RYR2: variants seen among roughly 807,000 people sequenced by gnomAD.
The protein encoded by RYR2 is cardiac muscle ryanodine receptor-calcium release channel.
In RYR2, 227 loss-of-function variants were observed where a neutral mutation model predicts 601.1. The ratio of observed to expected loss-of-function variants is 0.38; its 90% confidence interval spans 0.34 to 0.42. The LOEUF is 0.42. Ranked by LOEUF, RYR2 falls within the 10% of genes least tolerant of loss-of-function variation. The pLI is 1.00. For missense variants in RYR2, 4,646 were observed against 6,156.5 expected, an observed-to-expected ratio of 0.75 and a Z score of 8.21; for synonymous variants, 2,223 against 2,175.1, an observed-to-expected ratio of 1.02 and a Z score of -0.61.
intron 1 of RYR2, among the ~76,000 whole-genome samples, chr1:237,069,506 C>T (rs892390255): frequency 1.3e-5 from 2 of 151,916 alleles, no homozygotes; most frequent in African/African-American, 2.4e-5. Flanking sequence ...ATCCAGATGA[C>T]TGAAAGTAGT....
In RYR2 at chr1:237,625,705, T is replaced by G; in HGVS notation, c.6067T>G (p.Leu2023Val). The G allele has an allele frequency of 6.2e-7, 1 of 1,613,786 alleles. No homozygotes were observed. The change falls in exon 40 of 105, where the codon TTA becomes GTA. Residue 2023 changes from leucine to valine, a missense_variant. Leu to Val is a conservative substitution (Grantham distance 32). This residue lies in a region of RYR2 where 170 missense variants were observed against 184.5 expected (regional missense o/e 0.92). Coordinates refer to ENST00000366574, the MANE Select transcript of RYR2 (RefSeq NM_001035.3). Reference protein sequence around the residue: ...EDGSLDGNSDLTIRGRLLSLV... With the variant: ...EDGSLDGNSDVTIRGRLLSLV... ...TGGGTCTCTGGATGGAAACAGTGAT[T>G]TAACAATTAGAGGGCGTCTGCTATC...
intron 1 of RYR2, among the ~76,000 whole-genome samples, chr1:237,148,549 T>TAC (rs1674319630): frequency 7.7e-6 from 1 of 130,284 alleles, no homozygotes; most frequent in African/African-American, 3.3e-5. Context: ...TATATATATA[T>TAC]ATATACACAC....
intron 8 of RYR2, among the ~76,000 whole-genome samples, chr1:237,384,896 T>A (rs1293055284): frequency 1.4e-5 from 2 of 146,160 alleles, no homozygotes; most frequent in Non-Finnish European, 3.0e-5. Context: ...TTTATTATTT[T>A]ATTTTTTTTT....
intron 94 of RYR2, 43 bp downstream of exon 94, chr1:237,792,366 T>TGTGCGCGCGC: frequency 3.7e-6 from 3 of 805,252 alleles, no homozygotes; most frequent in East Asian, 3.0e-5. Context: ...TGTGTGTGTG[T>TGTGCGCGCGC]GTGTGTGTGT....
At chr1:237,584,096 G>C (rs920623474) in intron 29 of RYR2, among the ~76,000 whole-genome samples, 9 of 152,124 alleles carry the variant, frequency 5.9e-5, no homozygotes, top group African/African-American at 2.2e-4. Flanking sequence ...TTATTTGCAG[G>C]GTGTCAATTA....
intron 1 of RYR2, among the ~76,000 whole-genome samples, chr1:237,254,234 C>A (rs1021390059): frequency 2.6e-5 from 4 of 151,932 alleles, no homozygotes; most frequent in Non-Finnish European, 5.9e-5. Flanking sequence ...TGAGAATTTG[C>A]CCTGTGTTTG....
intron 84 of RYR2, among the ~76,000 whole-genome samples, chr1:237,763,734 TAGG>T (rs1044627251): frequency 1.3e-5 from 2 of 152,212 alleles, no homozygotes; most frequent in Non-Finnish European, 2.9e-5. Flanking sequence ...AGAGACCTAT[TAGG>T]AGCATATGTA....
At chr1:237,828,503 A>C in intron 102 of RYR2, 58 bp downstream of exon 102, 1 of 1,126,828 alleles carries the variant, frequency 8.9e-7, no homozygotes, top group Non-Finnish European at 1.3e-6. Flanking sequence ...CGTTTTCCTC[A>C]CTACCTTTAT....
intron 98 of RYR2, among the ~76,000 whole-genome samples, chr1:237,802,821 C>G (rs1660128497): frequency 6.6e-6 from 1 of 152,200 alleles, no homozygotes; most frequent in Non-Finnish European, 1.5e-5. Context: ...CCAGATGCAG[C>G]TTCTGCCCAG....
chr1:237,387,251 A>G, intron 8 of RYR2, 30 bp from the exon 9 acceptor site: 1 of 1,600,746 alleles, frequency 6.2e-7, no homozygotes, highest in Non-Finnish European at 8.6e-7. Flanking sequence ...CAGAGCCTGA[A>G]GTGATGCCTC....
At chr1:237,407,633 T>C (rs1170851027) in intron 10 of RYR2, among the ~76,000 whole-genome samples, 5 of 143,384 alleles carry the variant, frequency 3.5e-5, no homozygotes, top group African/African-American at 1.3e-4. Context: ...TTTTTTTAAA[T>C]TGAGACGGAG....
intron 42 of RYR2, among the ~76,000 whole-genome samples, chr1:237,631,832 G>A (rs894561077): frequency 4.7e-5 from 7 of 150,180 alleles, no homozygotes; most frequent in East Asian, 2.0e-4. Context: ...GTTTCACTGT[G>A]TTAGCCAGGA....
chr1:237,412,328 A>G (rs980148007), intron 10 of RYR2, among the ~76,000 whole-genome samples: 2 of 152,194 alleles, frequency 1.3e-5, no homozygotes, highest in Non-Finnish European at 2.9e-5. Flanking sequence ...TTATGCGATC[A>G]GCCTGAAATA....
chr1:237,179,787 A>C (rs1678495193), intron 1 of RYR2, among the ~76,000 whole-genome samples: 1 of 152,118 alleles, frequency 6.6e-6, no homozygotes, highest in South Asian at 2.1e-4. Context: ...GATAACTTTC[A>C]GCAGATGATG....
Position 237,430,134 on chromosome 1 carries a change from C to T in RYR2, c.1005+6886C>T, listed in dbSNP as rs571312097. On this transcript the variant is annotated intron_variant, in intron 12 of 104. Coordinates refer to ENST00000366574, the MANE Select transcript of RYR2 (RefSeq NM_001035.3). ...ACATATATAACATTCATATATATAA[C>T]ATATATGACATCTATATAACATATA... Among the ~76,000 whole-genome samples, 4 of 149,196 alleles carry T rather than the reference C, an allele frequency of 2.7e-5. No individual in the cohort carries two copies. In the East Asian group the frequency reaches 7.9e-4, roughly 29 times the overall value.
intron 38 of RYR2, 83 bp downstream of exon 38, chr1:237,617,569 C>G (rs760330087): frequency 1.6e-6 from 2 of 1,265,738 alleles, no homozygotes; most frequent in Non-Finnish European, 2.2e-6. Context: ...TTATATAACT[C>G]ACACGTCTTG....
chr1:237,452,802 C>G (rs1343688270), intron 14 of RYR2, among the ~76,000 whole-genome samples: 1 of 150,588 alleles, frequency 6.6e-6, no homozygotes, highest in Non-Finnish European at 1.5e-5. Flanking sequence ...ATTTTTTGTT[C>G]TTCATAAATT....
rs1349699666 is a variant in RYR2, at chr1:237,068,211, G to T, written c.48+25642G>T. Among the ~76,000 whole-genome samples, 3 of 152,010 alleles carry T rather than the reference G, an allele frequency of 2.0e-5. No individual in the cohort carries two copies. The East Asian group carries it at 5.8e-4, about 29-fold the overall frequency. ...CACTTCTTGAAAACAAGTATATACA[G>T]TATGGTGATTACAATAAAGTCACAC... On this transcript the variant is annotated intron_variant, in intron 1 of 104. Coordinates refer to ENST00000366574, the MANE Select transcript of RYR2 (RefSeq NM_001035.3).
At chr1:237,219,136 C>T (rs1293694255) in intron 1 of RYR2, among the ~76,000 whole-genome samples, 1 of 151,526 alleles carries the variant, frequency 6.6e-6, no homozygotes, top group Admixed American at 6.6e-5. Context: ...CTCAGCCTCT[C>T]GAATAGCTGG....
Sources: gnomAD v4.1 joint callset for allele counts (sites outside exome capture counted in the v4.1 genomes callset) on GRCh38, gnomAD v4.1.1 for gene constraint, gnomAD v4.1.1 regional missense constraint, MANE v1.5 for transcripts, NCBI Gene and HGNC (gene_info 2026-07-23, HGNC 2026-07-21) for gene names.